The following SLC8A1 variants were observed in gnomAD, a reference collection of about 807,000 sequenced individuals.
The protein encoded by SLC8A1 is sodium/calcium exchanger 1.
Under a neutral mutation model 68.3 loss-of-function variants are expected in SLC8A1, and 18 were observed. That is an observed-to-expected ratio of 0.26 (90% CI 0.18 to 0.39). SLC8A1 has a LOEUF of 0.39. SLC8A1 is among the 10% of genes least tolerant of loss of function. The probability of loss-of-function intolerance (pLI) is 1.00; values close to 1 mark genes in which losing one functional copy is unlikely to be tolerated. For missense variants in SLC8A1, 985 were observed against 1,156.7 expected (o/e 0.85, Z 2.15); for synonymous variants, 475 against 415.5 (o/e 1.14, Z -1.74).
intron 2 of SLC8A1, among the ~76,000 whole-genome samples, chr2:40,316,360 C>T (rs1272630570): frequency 2.6e-5 from 4 of 152,104 alleles, no homozygotes; most frequent in African/African-American, 7.2e-5. Context: ...AGTATGTTCT[C>T]TCTACTGGAA....
At chr2:40,231,804 T>G (rs2059682163) in intron 2 of SLC8A1, among the ~76,000 whole-genome samples, 1 of 152,122 alleles carries the variant, frequency 6.6e-6, no homozygotes, top group Non-Finnish European at 1.5e-5. Context: ...ATCACCTATA[T>G]AAGCAACTTA....
chr2:40,232,598 GTTT>G (rs142725013), intron 2 of SLC8A1, among the ~76,000 whole-genome samples: 2 of 133,604 alleles, frequency 1.5e-5, no homozygotes, highest in Admixed American at 7.6e-5. Flanking sequence ...TTTGTATTCT[GTTT>G]TTTTTTTTTT....
intron 2 of SLC8A1, among the ~76,000 whole-genome samples, chr2:40,369,506 G>T (rs552464694): frequency 6.6e-6 from 1 of 152,192 alleles, no homozygotes; most frequent in East Asian, 1.9e-4. Context: ...AATGTTAAGA[G>T]TTCTGTCTGT....
chr2:40,500,795 C>CTTTTTTTTTTTTTTTTTTTTTTTTTTTTT lies in SLC8A1; in HGVS notation c.-25+11525_-25+11553dup, dbSNP rs1191619172. 8.1e-5 allele frequency among the ~76,000 whole-genome samples: 3 copies of CTTTTTTTTTTTTTTTTTTTTTTTTTTTTT among 37,230 alleles called. 1 individual carries two copies. The highest frequency in any genetic ancestry group is 9.7e-4 in the Admixed American group (2 of 2,066). 24.4% of individuals were successfully genotyped at this position (37,230 alleles called of 152,430 possible). On this transcript the variant is annotated intron_variant, in intron 1 of 7. Transcript: ENST00000402441. ...TATAAGGTAAGGTATTATCATCTGA[C>CTTTTTTTTTTTTTTTTTTTTTTTTTTTTT]TTTTTTTTTTTTTTTTTTTTTTTTT...
chr2:40,133,725 G>A (rs1333683987), intron 7 of SLC8A1, among the ~76,000 whole-genome samples: 1 of 149,044 alleles, frequency 6.7e-6, no homozygotes, highest in Non-Finnish European at 1.5e-5. Context: ...CGACTCATCA[G>A]TATCTCAGAG....
chr2:40,354,449 G>A lies in SLC8A1; in HGVS notation c.1808+74024C>T, dbSNP rs149538849. On this transcript the variant is annotated intron_variant, in intron 2 of 7. Transcript: ENST00000406785. Reference sequence around the variant, plus strand: ...TGTAAGAGGTCAATGCTGCTTACACGTGTTTTGGGACTAAATGGGGGTGGT... The same window carrying A: ...TGTAAGAGGTCAATGCTGCTTACACATGTTTTGGGACTAAATGGGGGTGGT... Among the ~76,000 whole-genome samples, 334 of 152,240 alleles carry A rather than the reference G, an allele frequency of 2.2e-3. 1 individual carries two copies. Among genetic ancestry groups the A allele is most frequent in the African/African-American group, 7.3e-3 (303 of 41,536 alleles).
chr2:40,332,658 G>T (rs999865821), intron 2 of SLC8A1, among the ~76,000 whole-genome samples: 3 of 152,144 alleles, frequency 2.0e-5, no homozygotes, highest in Admixed American at 1.3e-4. Context: ...AAATCCAAAG[G>T]TCAAATATAT....
chr2:40,213,913 T>C (rs1021126784), intron 2 of SLC8A1, among the ~76,000 whole-genome samples: 1 of 152,226 alleles, frequency 6.6e-6, no homozygotes, highest in Non-Finnish European at 1.5e-5. Flanking sequence ...TAATCTCTGC[T>C]TTCCTAAAAG....
chr2:40,261,025 T>C (rs2064625731), intron 2 of SLC8A1, among the ~76,000 whole-genome samples: 1 of 152,118 alleles, frequency 6.6e-6, no homozygotes, highest in Admixed American at 6.5e-5. Flanking sequence ...ACTCCTACAG[T>C]TTTTCTTTAC....
At chr2:40,115,125 A>G in exon 8 of SLC8A1, 1 of 651,914 alleles carries the variant, frequency 1.5e-6, no homozygotes, top group Admixed American at 3.7e-5. Context: ...AGTACAGAGT[A>G]TGCTCTTGAA....
At chr2:40,314,873 T>C (rs1423744013) in intron 2 of SLC8A1, among the ~76,000 whole-genome samples, 1 of 152,092 alleles carries the variant, frequency 6.6e-6, no homozygotes, top group African/African-American at 2.4e-5. Context: ...TTAAACTCCC[T>C]TACTAGTTTT....
intron 2 of SLC8A1, among the ~76,000 whole-genome samples, chr2:40,337,571 A>G (rs1559299647): frequency 1.3e-5 from 2 of 152,138 alleles, no homozygotes; most frequent in Admixed American, 6.6e-5. Context: ...ACTCAATGGT[A>G]TTACTTGGTA....
chr2:40,478,302 T>C (rs1704414550), intron 1 of SLC8A1, among the ~76,000 whole-genome samples: 1 of 152,182 alleles, frequency 6.6e-6, no homozygotes, highest in African/African-American at 2.4e-5. Flanking sequence ...CAGTTCTACC[T>C]GTCATGGTGA....
At chr2:40,313,108 C>A (rs1335333249) in intron 2 of SLC8A1, among the ~76,000 whole-genome samples, 1 of 152,012 alleles carries the variant, frequency 6.6e-6, no homozygotes, top group African/African-American at 2.4e-5. Context: ...TATTCCCTCT[C>A]CAAGTAATCA....
chr2:40,204,816 T>A (rs2055080323), intron 2 of SLC8A1, among the ~76,000 whole-genome samples: 1 of 152,056 alleles, frequency 6.6e-6, no homozygotes, highest in African/African-American at 2.4e-5. Context: ...TATTCTTTTT[T>A]TCATACTAAA....
At chr2:40,163,338 A>C (rs2046008903) in intron 5 of SLC8A1, among the ~76,000 whole-genome samples, 1 of 152,192 alleles carries the variant, frequency 6.6e-6, no homozygotes, top group African/African-American at 2.4e-5. Flanking sequence ...ATCATCCCAT[A>C]AGGGAGAGAA....
At chr2:40,384,502 C>A (rs1290522491) in intron 2 of SLC8A1, among the ~76,000 whole-genome samples, 1 of 152,008 alleles carries the variant, frequency 6.6e-6, no homozygotes, top group Non-Finnish European at 1.5e-5. Flanking sequence ...ACATCAACAT[C>A]ATCATCATTC....
At chr2:40,419,097 A>G (rs924533673) in intron 2 of SLC8A1, among the ~76,000 whole-genome samples, 1 of 152,208 alleles carries the variant, frequency 6.6e-6, no homozygotes, top group African/African-American at 2.4e-5. Flanking sequence ...GAGGTTTTCT[A>G]TGGCAGAGGC....
intron 1 of SLC8A1, among the ~76,000 whole-genome samples, chr2:40,489,962 T>G (rs1315776804): frequency 6.6e-6 from 1 of 152,104 alleles, no homozygotes; most frequent in Non-Finnish European, 1.5e-5. Flanking sequence ...TACATTCACT[T>G]GATGATACAC....
Sources: gnomAD v4.1 joint callset for allele counts (sites outside exome capture counted in the v4.1 genomes callset) on GRCh38, gnomAD v4.1.1 for gene constraint, MANE v1.5 for transcripts, NCBI Gene and HGNC (gene_info 2026-07-23, HGNC 2026-07-21) for gene names.